The following IQCJ variants were observed in gnomAD, a reference collection of about 807,000 sequenced individuals.
IQCJ encodes IQ domain-containing protein J.
A neutral mutation model predicts 11.0 loss-of-function variants in IQCJ; 9 were observed. That is an observed-to-expected ratio of 0.82 (90% CI 0.49 to 1.43). IQCJ has a LOEUF of 1.43. Ranked by LOEUF, IQCJ falls within the 40% of genes most tolerant of loss-of-function variation. IQCJ has a pLI of 0.00. For missense variants in IQCJ, 146 were observed against 133.2 expected, an observed-to-expected ratio of 1.10 and a Z score of -0.47; for synonymous variants, 55 against 51.3, an observed-to-expected ratio of 1.07 and a Z score of -0.31.
chr3:159,196,340 T>TTAAAA (rs1431532294), intron 1 of IQCJ, among the ~76,000 whole-genome samples: 1 of 152,236 alleles, frequency 6.6e-6, no homozygotes, highest in Non-Finnish European at 1.5e-5. Context: ...GGAGCCCATT[T>TTAAAA]TAAAATAAGA....
At chr3:159,255,077 G>T (rs1727820684) in intron 3 of IQCJ, among the ~76,000 whole-genome samples, 1 of 152,160 alleles carries the variant, frequency 6.6e-6, no homozygotes, top group African/African-American at 2.4e-5. Context: ...TTTTAGTCCT[G>T]AAGAGCATTG....
chr3:159,228,185 TAG>T (rs1725970561), intron 1 of IQCJ, among the ~76,000 whole-genome samples: 1 of 152,190 alleles, frequency 6.6e-6, no homozygotes, highest in African/African-American at 2.4e-5. Flanking sequence ...CTTGAGCACA[TAG>T]AGATTACATG....
intron 1 of IQCJ, among the ~76,000 whole-genome samples, chr3:159,114,432 C>A (rs147654850): frequency 6.6e-6 from 1 of 151,900 alleles, no homozygotes; most frequent in African/African-American, 2.4e-5. Flanking sequence ...TGCCTCAGCC[C>A]CCCTCATAGC....
At chr3:159,134,122 C>G (rs1449076975) in intron 1 of IQCJ, among the ~76,000 whole-genome samples, 2 of 152,046 alleles carry the variant, frequency 1.3e-5, no homozygotes, top group Non-Finnish European at 1.5e-5. Flanking sequence ...GGCTATCTGG[C>G]ATTCCTAGAG....
At chr3:159,095,213 G>A (rs1717644346) in intron 1 of IQCJ, among the ~76,000 whole-genome samples, 1 of 151,726 alleles carries the variant, frequency 6.6e-6, no homozygotes, top group South Asian at 2.1e-4. Flanking sequence ...TCAAAACCAT[G>A]ACATCAAGTG....
chr3:159,198,889 G>C (rs1403715931), intron 1 of IQCJ, among the ~76,000 whole-genome samples: 2 of 152,308 alleles, frequency 1.3e-5, no homozygotes, highest in Admixed American at 1.3e-4. Flanking sequence ...TTTGCAGTTT[G>C]ATCAGACAGA....
rs1728280410 is a variant in IQCJ at position 159,262,604 on chromosome 3, G to T, written c.212G>T (p.Ser71Ile). 1.2e-6 allele frequency: 2 copies of T among 1,613,860 alleles called. No homozygotes were observed. The highest frequency in any genetic ancestry group is 1.3e-5 in the African/African-American group (1 of 74,948). ...CGGCAGGAGCCCCTGGGGAAGAGGA[G>T]CCCGTCCCCACCCTCTGTCTCCTCA... ...LQRQEPLGKR[S>I]PSPPSVSSEK... is the part of the protein sequence containing the mutation. The change falls in exon 4 of 4, where the codon AGC becomes ATC. Residue 71 changes from serine (S) to isoleucine (I), a missense_variant. By Grantham distance (142) the Ser-to-Ile change is moderately radical. Transcript: ENST00000397832.
At chr3:159,155,583 T>C (rs1465392140) in intron 1 of IQCJ, among the ~76,000 whole-genome samples, 1 of 152,210 alleles carries the variant, frequency 6.6e-6, no homozygotes, top group Admixed American at 6.5e-5. Flanking sequence ...TTTTATAATA[T>C]CAAACAAAAA....
At chr3:159,249,851 C>T (rs1727490371) in intron 2 of IQCJ, among the ~76,000 whole-genome samples, 1 of 151,966 alleles carries the variant, frequency 6.6e-6, no homozygotes, top group African/African-American at 2.4e-5. Flanking sequence ...AGGGAAGCTG[C>T]AGCTCCATAC....
At chr3:159,206,286 C>T (rs1291883617) in intron 1 of IQCJ, among the ~76,000 whole-genome samples, 1 of 152,070 alleles carries the variant, frequency 6.6e-6, no homozygotes, top group Non-Finnish European at 1.5e-5. Flanking sequence ...TTTTTTCTAG[C>T]CCTCTCCACC....
At chr3:159,264,364 C>T (rs1333952634), downstream of IQCJ, among the ~76,000 whole-genome samples, 2 of 152,200 alleles carry the variant, frequency 1.3e-5, no homozygotes, top group African/African-American at 2.4e-5. Flanking sequence ...GTTCATGAGT[C>T]ATCAACTTCA....
At chr3:159,124,569 T>C (rs553427625) in intron 1 of IQCJ, among the ~76,000 whole-genome samples, 2 of 152,274 alleles carry the variant, frequency 1.3e-5, no homozygotes, top group South Asian at 4.1e-4. Flanking sequence ...CCCTGACACA[T>C]GCCATCATAG....
chr3:159,209,923 T>C (rs1250398051), intron 1 of IQCJ, among the ~76,000 whole-genome samples: 1 of 152,194 alleles, frequency 6.6e-6, no homozygotes, highest in Non-Finnish European at 1.5e-5. Flanking sequence ...GTAGTTTATA[T>C]TGTATTTTAG....
At chr3:159,089,875 G>A (rs1576998466) in intron 1 of IQCJ, among the ~76,000 whole-genome samples, 1 of 151,708 alleles carries the variant, frequency 6.6e-6, no homozygotes, top group Admixed American at 6.5e-5. Context: ...GTGTCCTCCT[G>A]TAGCTCAGAG....
chr3:159,198,021 C>T (rs964676245), intron 1 of IQCJ, among the ~76,000 whole-genome samples: 1 of 152,154 alleles, frequency 6.6e-6, no homozygotes, highest in Non-Finnish European at 1.5e-5. Context: ...TTTTCTCCTC[C>T]ATGTACTCTG....
rs1728297137 is a variant in IQCJ, at chr3:159,262,850, C to A, written c.*119C>A. 7.0e-7 allele frequency: 1 copy of A among 1,431,440 alleles called. No individual in the cohort carries two copies. The highest frequency in any genetic ancestry group is 2.7e-5 in the Admixed American group (1 of 37,082). 88.7% of individuals were successfully genotyped at this position (1,431,440 alleles called of 1,614,324 possible). A position where few individuals can be genotyped will look rare whatever the true frequency, so the allele number is the denominator to read the frequency against. On this transcript the variant is annotated 3_prime_UTR_variant, in exon 4 of 4. Transcript: ENST00000397832. ...ACCCATGGTGAGAGTTTTGTCACCT[C>A]AAAATAAAGACACAATTCATAAGCA...
intron 1 of IQCJ, among the ~76,000 whole-genome samples, chr3:159,127,473 G>A (rs1167843149): frequency 6.6e-6 from 1 of 152,148 alleles, no homozygotes; most frequent in African/African-American, 2.4e-5. Flanking sequence ...TAAGAGCTCA[G>A]GAAACTCTAG....
At chr3:159,238,730 A>G (rs966412775) in intron 1 of IQCJ, among the ~76,000 whole-genome samples, 1 of 152,146 alleles carries the variant, frequency 6.6e-6, no homozygotes, top group Admixed American at 6.5e-5. Flanking sequence ...CCGAAAGAAG[A>G]ATGGTGTGGA....
intron 1 of IQCJ, among the ~76,000 whole-genome samples, chr3:159,182,437 A>G (rs750386063): frequency 2.6e-5 from 4 of 151,996 alleles, no homozygotes; most frequent in South Asian, 2.1e-4. Flanking sequence ...TTACATGTCT[A>G]TCTAAGTAGT....
Sources: gnomAD v4.1 joint callset for allele counts (sites outside exome capture counted in the v4.1 genomes callset) on GRCh38, gnomAD v4.1.1 for gene constraint, MANE v1.5 for transcripts, NCBI Gene and HGNC (gene_info 2026-07-23, HGNC 2026-07-21) for gene names.